CD276: variants seen among roughly 807,000 people sequenced by gnomAD.
CD276 encodes CD276 molecule, also known as CD276 antigen.
CD276 carries 34 observed loss-of-function variants against 50.0 expected under a neutral mutation model. The observed-to-expected ratio is 0.68, with a 90% confidence interval of 0.52 to 0.91. CD276 has a LOEUF of 0.91. Ranked by LOEUF, CD276 falls within the 40% of genes least tolerant of loss-of-function variation. CD276 has a pLI of 0.00. For missense variants in CD276, 634 were observed against 717.5 expected (o/e 0.88, Z 1.33); for synonymous variants, 275 against 313.0 (o/e 0.88, Z 1.28).
At position 73,702,892 on chromosome 15, in the gene CD276, A is replaced by T. The variant is rs374564457; in HGVS notation, c.539A>T (p.Asp180Val). 1.9e-6 allele frequency: 3 copies of T among 1,613,944 alleles called. No homozygotes were observed. In the African/African-American group the frequency reaches 4.0e-5, roughly 22 times the overall value. ...GYPEAEVFWQ[D>V]GQGVPLTGNV... ...CCTGAGGCTGAGGTGTTCTGGCAGG[A>T]TGGGCAGGGTGTGCCCCTGACTGGC... Residue 180 changes from aspartate (D) to valine (V), a missense_variant, in exon 4 of 10, where the codon GAT (aspartate) becomes GTT (valine). Asp to Val is a radical substitution (Grantham distance 152). Coordinates refer to ENST00000318443, the MANE Select transcript of CD276 (RefSeq NM_001024736.2).
At chr15:73,708,206 TAA>T (rs1900722718) in intron 6 of CD276, 131 bp from the exon 7 acceptor site, 1 of 941,920 alleles carries the variant, frequency 1.1e-6, no homozygotes, top group African/African-American at 1.7e-5. Context: ...TGTAGGAACT[TAA>T]GTGAGCTTTA....
intron 9 of CD276, chr15:73,712,018 G>C (rs1026713286): frequency 6.6e-6 from 1 of 152,190 alleles, no homozygotes; most frequent in Admixed American, 6.5e-5. Context: ...AGCCGGGCGT[G>C]GTGGTGCATG....
At position 73,703,972 on chromosome 15, in the gene CD276, C is replaced by T. The variant is rs547045314; in HGVS notation, c.1047C>T (p.Ser349=). Residue 349 remains serine, a synonymous_variant, in exon 5 of 10, where the codon AGC becomes AGT. Transcript: ENST00000318443. ...TCFVSIRDFG[S]AAVSLQVAAP... is the part of the protein sequence containing the mutation. ...TCGTGAGCATCCGGGATTTCGGCAG[C>T]GCTGCCGTCAGCCTGCAGGTGGCCG... 43 of 1,610,520 alleles carry T rather than the reference C, an allele frequency of 2.7e-5. No individual in the cohort carries two copies. The East Asian group carries it at 6.0e-4, about 23-fold the overall frequency.
In CD276 at chr15:73,703,993, G is replaced by A. The variant is rs1199238239; in HGVS notation, c.1068G>A (p.Val356=). Residue 356 remains valine, a synonymous_variant, in exon 5 of 10, where the codon GTG becomes GTA. Coordinates refer to ENST00000318443, the MANE Select transcript of CD276 (RefSeq NM_001024736.2). ...DFGSAAVSLQ[V]AAPYSKPSMT... is the part of the protein sequence containing the mutation. ...GCAGCGCTGCCGTCAGCCTGCAGGT[G>A]GCCGGTGAGCACCAGGAGGGCGACG... 7 of 1,608,456 alleles carry A rather than the reference G, an allele frequency of 4.4e-6. No individual in the cohort carries two copies. The Admixed American group carries it at 1.2e-4, about 27-fold the overall frequency.
At chr15:73,711,213 A>T (rs1900887992) in intron 9 of CD276, 43 bp downstream of exon 9, 3 of 1,604,132 alleles carry the variant, frequency 1.9e-6, no homozygotes, top group Admixed American at 1.7e-5. Flanking sequence ...GTATGCACAC[A>T]TCTGTGTGTG....
intron 2 of CD276, 97 bp downstream of exon 2, chr15:73,699,815 T>C: frequency 2.1e-6 from 3 of 1,401,972 alleles, no homozygotes; most frequent in Non-Finnish European, 2.9e-6. Context: ...CCAAGCCAGC[T>C]CTGGCTAGCA....
chr15:73,690,845 G>A (rs1164327921), intron 1 of CD276: 1 of 455,156 alleles, frequency 2.2e-6, no homozygotes, highest in Non-Finnish European at 4.4e-6. Context: ...AGTAGGAAGA[G>A]GTGAGGCTGG....
At chr15:73,689,519 C>T (rs1306166802) in intron 1 of CD276, among the ~76,000 whole-genome samples, 1 of 152,012 alleles carries the variant, frequency 6.6e-6, no homozygotes, top group African/African-American at 2.4e-5. Flanking sequence ...CTCTAGGGAC[C>T]CTCCCATCTC....
At chr15:73,709,551 C>T in intron 7 of CD276, 97 bp from the exon 8 acceptor site, 1 of 1,256,652 alleles carries the variant, frequency 8.0e-7, no homozygotes, top group Non-Finnish European at 1.2e-6. Flanking sequence ...CACTCAGGCC[C>T]TGTTCACCAG....
rs1278707065 is a variant in CD276, at chr15:73,711,343, A to G, written c.1582+173A>G. 8 of 660,344 alleles carry G rather than the reference A, an allele frequency of 1.2e-5. No individual in the cohort carries two copies. In the African/African-American group the frequency reaches 1.4e-4, roughly 12 times the overall value. The allele number at this position is 660,344 out of a possible 1,614,324, so 40.9% of individuals were successfully genotyped here. A position where few individuals can be genotyped will look rare whatever the true frequency, so the allele number is the denominator to read the frequency against. ...CAGAGGGCTGAGTAACCAAGGTCCC[A>G]GCTGCTCTGATGGGACCCAAATACG... On this transcript the variant is annotated intron_variant, in intron 9 of 9. Coordinates refer to ENST00000318443, the MANE Select transcript of CD276 (RefSeq NM_001024736.2).
rs777380321 is a variant in CD276, at chr15:73,702,569, G to A, written c.394G>A (p.Ala132Thr). 3 of 1,608,378 alleles carry A rather than the reference G, an allele frequency of 1.9e-6. No individual in the cohort carries two copies. Among genetic ancestry groups the A allele is most frequent in the African/African-American group, 1.3e-5 (1 of 74,890 alleles). The change falls in exon 3 of 10, where the codon GCT (alanine) becomes ACT (threonine). Residue 132 changes from alanine (A) to threonine (T), a missense_variant. Coordinates refer to ENST00000318443, the MANE Select transcript of CD276 (RefSeq NM_001024736.2). ...CGTGAGCATCCGGGATTTCGGCAGC[G>A]CTGCCGTCAGCCTGCAGGTGGCCGG... ...CFVSIRDFGS[A>T]AVSLQVAAPY...
In CD276 at chr15:73,714,168, TGTGGGCAG is replaced by T. The variant is rs1901032867; in HGVS notation, c.*1222_*1229del. On this transcript the variant is annotated 3_prime_UTR_variant, in exon 10 of 10. Coordinates refer to ENST00000318443, the MANE Select transcript of CD276 (RefSeq NM_001024736.2). ...GTGGTGTCCAAAATGTCTGTCCAGG[TGTGGGCAG>T]GTGGGCAGGCACCAAGGCCCTCTGG... The T allele has an allele frequency of 3.8e-6, 1 of 262,584 alleles. No individual in the cohort carries two copies. The highest frequency in any genetic ancestry group is 3.7e-5 in the South Asian group (1 of 27,132). 16.3% of individuals were successfully genotyped at this position (262,584 alleles called of 1,614,324 possible). A position where few individuals can be genotyped will look rare whatever the true frequency, so the allele number is the denominator to read the frequency against.
Position 73,713,698 on chromosome 15 carries a change from C to T in CD276, c.*742C>T. On this transcript the variant is annotated 3_prime_UTR_variant, in exon 10 of 10. Coordinates refer to ENST00000318443, the MANE Select transcript of CD276 (RefSeq NM_001024736.2). ...CCTGGCCCAGCCTCCTCTGCAGTGC[C>T]CCTCTCCCCTGCCCATCCTCCCCAC... is the stretch of plus-strand genomic sequence containing the variant. The T allele has an allele frequency of 2.4e-6, 1 of 424,626 alleles. No homozygotes were observed. 26.3% of individuals were successfully genotyped at this position (424,626 alleles called of 1,614,324 possible).
intron 7 of CD276, 180 bp from the exon 8 acceptor site, chr15:73,709,468 C>A: frequency 1.6e-6 from 1 of 627,768 alleles, no homozygotes. Context: ...TTCATGTTGT[C>A]ACAGGCTCGG....
At chr15:73,711,248 T>A (rs1900890162) in intron 9 of CD276, 78 bp downstream of exon 9, 11 of 1,492,730 alleles carry the variant, frequency 7.4e-6, no homozygotes, top group Admixed American at 1.7e-5. Flanking sequence ...TGGGTAGGCA[T>A]CATCCTTTCA....
chr15:73,700,763 A>G (rs1290955602), intron 2 of CD276, among the ~76,000 whole-genome samples: 1 of 152,128 alleles, frequency 6.6e-6, no homozygotes, highest in Non-Finnish European at 1.5e-5. Context: ...GCTGTATTCA[A>G]TTAGCATTGT....
intron 9 of CD276, 57 bp downstream of exon 9, chr15:73,711,227 G>T (rs1468962157): frequency 6.3e-7 from 1 of 1,574,816 alleles, no homozygotes; most frequent in Admixed American, 1.7e-5. Context: ...GTGTGTGAGA[G>T]GCTGAGAGGG....
Position 73,703,832 on chromosome 15 carries a change from C to G in CD276, c.907C>G (p.Gln303Glu). The stretch of plus-strand genomic sequence containing the variant: ...GCACAGTTTCACCGAAGGCCGGGAC[C>G]AGGGCAGCGCCTATGCCAACCGCAC... ...LVHSFTEGRD[Q>E]GSAYANRTAL... is the part of the protein sequence containing the mutation. Residue 303 changes from glutamine to glutamate, a missense_variant, in exon 5 of 10, where the codon CAG becomes GAG. Coordinates refer to ENST00000318443, the MANE Select transcript of CD276 (RefSeq NM_001024736.2). 5 of 1,613,646 alleles carry G rather than the reference C, an allele frequency of 3.1e-6. No homozygotes were observed. Among genetic ancestry groups the G allele is most frequent in the Non-Finnish European group, 4.2e-6 (5 of 1,180,018 alleles).
rs370801727 is a variant in CD276 at position 73,702,436 on chromosome 15, C to T, written c.261C>T (p.Ser87=). ...TTGCTGAGGGCCAGGACCAGGGCAGCGCCTATGCCAACCGCACGGCCCTCT... is the reference window on the plus strand; with the variant it reads ...TTGCTGAGGGCCAGGACCAGGGCAGTGCCTATGCCAACCGCACGGCCCTCT... The part of the protein sequence containing the change: ...HSFAEGQDQG[S]AYANRTALFP... The change falls in exon 3 of 10, where the codon AGC becomes AGT. Residue 87 remains serine, a synonymous_variant. Transcript: ENST00000318443. 8.6e-5 allele frequency: 139 copies of T among 1,613,790 alleles called. No homozygotes were observed. Among genetic ancestry groups the T allele is most frequent in the African/African-American group, 1.2e-4 (9 of 75,054 alleles).
Sources: allele counts gnomAD v4.1 joint callset (sites outside exome capture counted in the v4.1 genomes callset), GRCh38; gene constraint gnomAD v4.1.1; transcripts MANE v1.5; gene names NCBI Gene and HGNC (gene_info 2026-07-23, HGNC 2026-07-21).